USH2A: variants seen among roughly 807,000 people sequenced by gnomAD.
The protein encoded by USH2A is Usher syndrome 2A (autosomal recessive, mild).
USH2A carries 443 observed loss-of-function variants against 538.9 expected under a neutral mutation model. That is an observed-to-expected ratio of 0.82 (90% CI 0.76 to 0.89). USH2A has a LOEUF of 0.89. Among genes scored for constraint, USH2A ranks in the 40% least tolerant of loss-of-function variants. The pLI is 0.00. For missense variants in USH2A, 6,633 were observed against 6,324.8 expected, an observed-to-expected ratio of 1.05 and a Z score of -1.65; for synonymous variants, 2,413 against 2,273.5, an observed-to-expected ratio of 1.06 and a Z score of -1.75.
intron 64 of USH2A, among the ~76,000 whole-genome samples, chr1:215,669,026 G>C (rs1046790479): frequency 1.2e-4 from 19 of 152,168 alleles, no homozygotes; most frequent in African/African-American, 4.3e-4. Context: ...CTGGGTGACA[G>C]AGCGAGACTC....
chr1:216,024,078 A>T (rs1246307032), intron 32 of USH2A, among the ~76,000 whole-genome samples: 1 of 152,076 alleles, frequency 6.6e-6, no homozygotes, highest in Non-Finnish European at 1.5e-5. Flanking sequence ...TTCTTCTTTG[A>T]TGCACTTGCT....
chr1:215,780,257 C>T (rs912237334), intron 54 of USH2A, among the ~76,000 whole-genome samples: 7 of 152,056 alleles, frequency 4.6e-5, no homozygotes, highest in Admixed American at 4.6e-4. Flanking sequence ...CTCACACTAC[C>T]ATTTATCACA....
intron 21 of USH2A, among the ~76,000 whole-genome samples, chr1:216,109,446 T>A (rs2102584280): frequency 6.6e-6 from 1 of 152,310 alleles, no homozygotes; most frequent in South Asian, 2.1e-4. Context: ...CACTTATTTC[T>A]TCCTAAAATT....
chr1:215,858,059 T>C (rs1048196000), intron 44 of USH2A, among the ~76,000 whole-genome samples: 1 of 152,180 alleles, frequency 6.6e-6, no homozygotes, highest in Non-Finnish European at 1.5e-5. Flanking sequence ...ACAATGTGAA[T>C]GTTTGAGTTA....
At chr1:215,944,620 A>G (rs530028267) in intron 37 of USH2A, among the ~76,000 whole-genome samples, 1 of 152,266 alleles carries the variant, frequency 6.6e-6, no homozygotes, top group South Asian at 2.1e-4. Flanking sequence ...CCCTAATTCC[A>G]CATGCCTAGG....
chr1:216,004,450 G>A (rs1442757034), intron 32 of USH2A, among the ~76,000 whole-genome samples: 1 of 152,094 alleles, frequency 6.6e-6, no homozygotes, highest in East Asian at 1.9e-4. Flanking sequence ...AGTTAAAGGT[G>A]AAATAAGATG....
At chr1:216,160,907 A>T (rs2034045344) in intron 21 of USH2A, among the ~76,000 whole-genome samples, 2 of 152,106 alleles carry the variant, frequency 1.3e-5, no homozygotes, top group African/African-American at 4.8e-5. Flanking sequence ...AGTTTTATAT[A>T]CATATCTGAA....
chr1:215,758,477 T>C (rs1660877709), intron 58 of USH2A, 118 bp downstream of exon 58: 10 of 1,287,872 alleles, frequency 7.8e-6, no homozygotes, highest in Non-Finnish European at 1.1e-5. Context: ...TGTTCATATT[T>C]ATCCAGGAGA....
chr1:215,684,186 A>C (rs1419846762), intron 61 of USH2A, among the ~76,000 whole-genome samples: 1 of 152,182 alleles, frequency 6.6e-6, no homozygotes, highest in Non-Finnish European at 1.5e-5. Context: ...ACTCTCTGGA[A>C]CACTCTGTCA....
intron 3 of USH2A, among the ~76,000 whole-genome samples, chr1:216,406,968 C>A (rs2039407406): frequency 6.6e-6 from 1 of 152,154 alleles, no homozygotes; most frequent in Non-Finnish European, 1.5e-5. Flanking sequence ...GTGAAATTGG[C>A]ATGGGCTGAC....
At chr1:215,838,164 G>T in intron 46 of USH2A, 61 bp from the exon 47 acceptor site, 1 of 1,288,202 alleles carries the variant, frequency 7.8e-7, no homozygotes, top group Non-Finnish European at 1.1e-6. Flanking sequence ...ACTAACAATA[G>T]TCTGAATCCC....
intron 14 of USH2A, among the ~76,000 whole-genome samples, chr1:216,222,118 C>T (rs966327880): frequency 6.6e-6 from 1 of 152,112 alleles, no homozygotes; most frequent in Non-Finnish European, 1.5e-5. Context: ...TTTTAAGGTT[C>T]TTTCCCAGTC....
chr1:215,708,821 G>C (rs74144007), intron 61 of USH2A, among the ~76,000 whole-genome samples: 2 of 152,098 alleles, frequency 1.3e-5, no homozygotes, highest in African/African-American at 4.8e-5. Context: ...ACCAGTACTG[G>C]TCTGCGTCCC....
rs374968911 is a variant in USH2A, at chr1:216,189,900, A to G, written c.4396+323T>C. On this transcript the variant is annotated intron_variant, in intron 20 of 71. Coordinates refer to ENST00000307340, the MANE Select transcript of USH2A (RefSeq NM_206933.4). ...TAAGCCCTGGAGTCACGCTACAACT[A>G]ATTACATTTCTATGTATTTCTAGTT... Among the ~76,000 whole-genome samples the G allele has an allele frequency of 9.9e-5, 15 of 152,068 alleles. 1 individual carries two copies. The highest frequency in any genetic ancestry group is 3.9e-4 in the Admixed American group (6 of 15,240).
chr1:216,402,712 C>T (rs1310912516), intron 3 of USH2A, among the ~76,000 whole-genome samples: 1 of 152,044 alleles, frequency 6.6e-6, no homozygotes, highest in Non-Finnish European at 1.5e-5. Context: ...ATTGGTAAGG[C>T]TTCCATTCAA....
At chr1:215,680,863 T>C (rs966697327) in intron 61 of USH2A, among the ~76,000 whole-genome samples, 1 of 152,122 alleles carries the variant, frequency 6.6e-6, no homozygotes, top group Non-Finnish European at 1.5e-5. Flanking sequence ...CCAGTCTCCC[T>C]CTCTCATTCT....
Position 215,647,547 on chromosome 1 carries a change from C to G in USH2A, c.14766G>C (p.Trp4922Cys). ...ATTCTTTTTGGGTGGTGAAACTGAT[C>G]CACTCGGAAGCCGTACTGCCCACCT... ...HNEVGSTASEWISFTTQKELP... is the reference protein window; with the variant it reads ...HNEVGSTASECISFTTQKELP... The change falls in exon 67 of 72, where the codon TGG becomes TGC. Residue 4922 changes from tryptophan (W) to cysteine (C), a missense_variant. Transcript: ENST00000307340. 1 of 1,614,084 alleles carries G rather than the reference C, an allele frequency of 6.2e-7. No homozygotes were observed. The highest frequency in any genetic ancestry group is 1.1e-5 in the South Asian group (1 of 91,072).
At chr1:216,203,596 T>C (rs1029551419) in intron 16 of USH2A, among the ~76,000 whole-genome samples, 1 of 152,170 alleles carries the variant, frequency 6.6e-6, no homozygotes, top group African/African-American at 2.4e-5. Context: ...CTCTTCTGTT[T>C]TCTCATCCTG....
chr1:215,940,144 G>T (rs1437816019), intron 37 of USH2A, among the ~76,000 whole-genome samples: 1 of 152,114 alleles, frequency 6.6e-6, no homozygotes, highest in Non-Finnish European at 1.5e-5. Flanking sequence ...CCTGCTTTAA[G>T]TTAGTCTTTT....
Sources: gnomAD v4.1 joint callset for allele counts (sites outside exome capture counted in the v4.1 genomes callset) on GRCh38, gnomAD v4.1.1 for gene constraint, MANE v1.5 for transcripts, NCBI Gene and HGNC (gene_info 2026-07-23, HGNC 2026-07-21) for gene names.